The following ANXA3 variants were observed in gnomAD, a reference collection of about 807,000 sequenced individuals.
ANXA3 encodes the protein 35-alpha calcimedin.
A neutral mutation model predicts 48.8 loss-of-function variants in ANXA3; 46 were observed. That is an observed-to-expected ratio of 0.94 (90% CI 0.74 to 1.21). ANXA3 has a LOEUF of 1.21. Ranked by LOEUF, ANXA3 falls within the 50% of genes most tolerant of loss-of-function variation. ANXA3 has a pLI of 0.00. For missense variants in ANXA3, 383 were observed against 378.6 expected (o/e 1.01, Z -0.10); for synonymous variants, 128 against 134.7 (o/e 0.95, Z 0.35).
intron 11 of ANXA3, 53 bp downstream of exon 11, chr4:78,601,621 A>G: frequency 7.0e-7 from 1 of 1,422,070 alleles, no homozygotes; most frequent in South Asian, 1.2e-5. Flanking sequence ...TCCCTTGGGA[A>G]AGTATGCAAA....
At chr4:78,598,770 C>T (rs1230576477) in intron 10 of ANXA3, among the ~76,000 whole-genome samples, 1 of 151,964 alleles carries the variant, frequency 6.6e-6, no homozygotes, top group Non-Finnish European at 1.5e-5. Context: ...AAATTCCTGA[C>T]CTCAAGTGAT....
Position 78,579,080 on chromosome 4 carries a change from C to T in ANXA3, c.157C>T (p.Arg53Trp), listed in dbSNP as rs181568024. 5.6e-5 allele frequency: 91 copies of T among 1,611,888 alleles called. No individual in the cohort carries two copies. The East Asian group carries it at 7.8e-4, about 14-fold the overall frequency. ...SILTERSNAQ[R>W]QLIVKEYQAA... Reference sequence around the variant, plus strand: ...TCTGACTGAGAGGTCAAATGCACAGCGGCAGCTGATTGTTAAGGAATATCA... The same window carrying T: ...TCTGACTGAGAGGTCAAATGCACAGTGGCAGCTGATTGTTAAGGAATATCA... Residue 53 changes from arginine to tryptophan, a missense_variant, in exon 4 of 13, where the codon CGG (arginine) becomes TGG (tryptophan). Physicochemically the swap from Arg to Trp is moderately radical, Grantham distance 101 (BLOSUM62 -3). Coordinates refer to ENST00000264908, the MANE Select transcript of ANXA3 (RefSeq NM_005139.3).
chr4:78,573,269 T>C lies in ANXA3; in HGVS notation c.103+2T>C, dbSNP rs1435622977. On this transcript the variant is annotated splice_donor_variant, in intron 3 of 12. Coordinates refer to ENST00000264908, the MANE Select transcript of ANXA3 (RefSeq NM_005139.3). LOFTEE classifies it high-confidence loss of function. ...TTCAGAAAGCAATCAGAGGAATTGGTGAGTGATATTTTACAATTCCTTTCT... is the reference window on the plus strand; with the variant it reads ...TTCAGAAAGCAATCAGAGGAATTGGCGAGTGATATTTTACAATTCCTTTCT... The C allele has an allele frequency of 6.2e-7, 1 of 1,602,140 alleles. No homozygotes were observed. The highest frequency in any genetic ancestry group is 1.3e-5 in the African/African-American group (1 of 74,576).
At chr4:78,606,189 A>G (rs1449906150) in intron 12 of ANXA3, among the ~76,000 whole-genome samples, 1 of 152,054 alleles carries the variant, frequency 6.6e-6, no homozygotes, top group African/African-American at 2.4e-5. Context: ...TACTCCATCT[A>G]CCCTTGAATG....
chr4:78,595,973 A>T, intron 9 of ANXA3, 86 bp downstream of exon 9: 1 of 922,708 alleles, frequency 1.1e-6, no homozygotes, highest in South Asian at 1.6e-5. Flanking sequence ...TAGAAAAACG[A>T]AGTTTAAAAT....
At chr4:78,600,075 C>T (rs1188669621) in intron 10 of ANXA3, among the ~76,000 whole-genome samples, 1 of 152,136 alleles carries the variant, frequency 6.6e-6, no homozygotes, top group Non-Finnish European at 1.5e-5. Flanking sequence ...TCAAGATAAG[C>T]TGCAACAGAG....
At chr4:78,564,886 A>G (rs1034788700) in intron 2 of ANXA3, among the ~76,000 whole-genome samples, 1 of 152,068 alleles carries the variant, frequency 6.6e-6, no homozygotes, top group Non-Finnish European at 1.5e-5. Flanking sequence ...TCCAGATAAG[A>G]GTCATGAAGG....
At position 78,573,193 on chromosome 4, in the gene ANXA3, G is replaced by A. The variant is rs752773777; in HGVS notation, c.29G>A (p.Gly10Glu). ...ATTTCCTTCTAGGTTGGACACCGAGGAACAGTAAGAGATTATCCAGACTTT... is the reference window on the plus strand; with the variant it reads ...ATTTCCTTCTAGGTTGGACACCGAGAAACAGTAAGAGATTATCCAGACTTT... The part of the protein sequence containing the change: MASIWVGHR[G>E]TVRDYPDFSP... Residue 10 changes from glycine (G) to glutamate (E), a missense_variant, in exon 3 of 13, where the codon GGA becomes GAA. Coordinates refer to ENST00000264908, the MANE Select transcript of ANXA3 (RefSeq NM_005139.3). The A allele has an allele frequency of 9.3e-6, 15 of 1,612,842 alleles. No homozygotes were observed. Among genetic ancestry groups the A allele is most frequent in the Non-Finnish European group, 1.3e-5 (15 of 1,179,054 alleles).
chr4:78,607,907 T>C (rs1201455601), intron 12 of ANXA3, among the ~76,000 whole-genome samples: 3 of 152,070 alleles, frequency 2.0e-5, no homozygotes, highest in Non-Finnish European at 4.4e-5. Context: ...TAAAAGTAAA[T>C]GCTCTAGAGA....
chr4:78,590,106 A>G (rs760818183), intron 6 of ANXA3, among the ~76,000 whole-genome samples: 2 of 152,204 alleles, frequency 1.3e-5, no homozygotes, highest in African/African-American at 2.4e-5. Flanking sequence ...ATGACTTATA[A>G]AGTCTCATCT....
At chr4:78,589,477 C>T (rs1277545689) in intron 6 of ANXA3, among the ~76,000 whole-genome samples, 3 of 152,194 alleles carry the variant, frequency 2.0e-5, no homozygotes, top group Admixed American at 6.5e-5. Context: ...GTCACTCTCT[C>T]GGCAGCAGGC....
At chr4:78,598,274 C>T (rs1670883700) in intron 10 of ANXA3, among the ~76,000 whole-genome samples, 1 of 150,596 alleles carries the variant, frequency 6.6e-6, no homozygotes, top group African/African-American at 2.5e-5. Flanking sequence ...ATATCAGTGG[C>T]TTTTCTTTTC....
At chr4:78,576,573 AG>A (rs1722959772) in intron 3 of ANXA3, among the ~76,000 whole-genome samples, 1 of 152,120 alleles carries the variant, frequency 6.6e-6, no homozygotes, top group Admixed American at 6.6e-5. Flanking sequence ...CTGGGATTAT[AG>A]ATGTGAGTCA....
At position 78,585,805 on chromosome 4, in the gene ANXA3, C is replaced by A. The variant is rs532125101; in HGVS notation, c.313-455C>A. On this transcript the variant is annotated intron_variant, in intron 5 of 12. Coordinates refer to ENST00000264908, the MANE Select transcript of ANXA3 (RefSeq NM_005139.3). ...AATTAGTCCCCATGCCAGCCAGGCC[C>A]ATGATGCACATTACTGAGGATTTGA... 2.0e-5 allele frequency among the ~76,000 whole-genome samples: 3 copies of A among 152,250 alleles called. No individual in the cohort carries two copies. The South Asian group carries it at 6.2e-4, about 32-fold the overall frequency.
Position 78,595,382 on chromosome 4 carries a change from G to A in ANXA3, c.485G>A (p.Gly162Asp). The A allele has an allele frequency of 6.2e-7, 1 of 1,613,834 alleles. No homozygotes were observed. Among genetic ancestry groups the A allele is most frequent in the Non-Finnish European group, 8.5e-7 (1 of 1,179,856 alleles). ...CCTTGTTTTCGTCCTCCTGTTTAGG[G>A]CAGAAGAGATGAAAGTCTGAAAGTG... is the stretch of plus-strand genomic sequence containing the variant. ...FRKALLTLAD[G>D]RRDESLKVDE... Residue 162 changes from glycine (G) to aspartate (D), a missense_variant and splice_region_variant, in exon 8 of 13, where the codon GGC becomes GAC. Transcript: ENST00000264908.
chr4:78,553,703 AC>A (rs1722448803), intron 1 of ANXA3, among the ~76,000 whole-genome samples: 1 of 152,144 alleles, frequency 6.6e-6, no homozygotes, highest in Non-Finnish European at 1.5e-5. Context: ...ATTTCCAGAG[AC>A]TAATAGTGTA....
intron 5 of ANXA3, among the ~76,000 whole-genome samples, chr4:78,584,454 G>T (rs1227474890): frequency 6.6e-6 from 1 of 152,084 alleles, no homozygotes; most frequent in East Asian, 1.9e-4. Flanking sequence ...GGAATTACAG[G>T]TGTAAGCCAC....
chr4:78,585,400 AG>A (rs1723151691), intron 5 of ANXA3, among the ~76,000 whole-genome samples: 1 of 152,180 alleles, frequency 6.6e-6, no homozygotes, highest in Non-Finnish European at 1.5e-5. Flanking sequence ...TCTTCATTCC[AG>A]GCAACTCAAA....
chr4:78,562,184 G>A (rs55885438), intron 2 of ANXA3, among the ~76,000 whole-genome samples: 16,512 of 151,836 alleles, frequency 0.11, 1,132 homozygotes, highest in East Asian at 0.36. Context: ...GGTATGATTT[G>A]TTCTCTTGAA....
Sources: gnomAD v4.1 joint callset for allele counts (sites outside exome capture counted in the v4.1 genomes callset) on GRCh38, gnomAD v4.1.1 for gene constraint, MANE v1.5 for transcripts, NCBI Gene and HGNC (gene_info 2026-07-23, HGNC 2026-07-21) for gene names.